The following ANKH variants were observed in gnomAD, a reference collection of about 807,000 sequenced individuals.
ANKH encodes mineralization regulator ANKH.
A neutral mutation model predicts 49.0 loss-of-function variants in ANKH; 15 were observed. The observed-to-expected ratio is 0.31, with a 90% CI of 0.20 to 0.47. The LOEUF (loss-of-function observed/expected upper bound fraction) is 0.47. Ranked by LOEUF, ANKH falls within the 20% of genes least tolerant of loss-of-function variation. The pLI is 1.00. For synonymous variants in ANKH, 273 were observed against 260.0 expected, an observed-to-expected ratio of 1.05 and a Z score of -0.48; for missense variants, 429 against 652.0, an observed-to-expected ratio of 0.66 and a Z score of 3.72.
Position 14,871,635 on chromosome 5 carries a change from C to T in ANKH, c.-188G>A, listed in dbSNP as rs1364137148. 4 of 165,018 alleles carry T rather than the reference C, an allele frequency of 2.4e-5. No homozygotes were observed. Among genetic ancestry groups the T allele is most frequent in the African/African-American group, 9.7e-5 (4 of 41,194 alleles). The allele number at this position is 165,018 out of a possible 1,614,324, so 10.2% of individuals were successfully genotyped here. A position where few individuals can be genotyped will look rare whatever the true frequency, so the allele number is the denominator to read the frequency against. ...GGCGCCTTCTCCGAGCGCGGCTGCT[C>T]TAGCAGGGGATCCGCAAGCTCAAGT... is the stretch of plus-strand genomic sequence containing the variant. On this transcript the variant is annotated 5_prime_UTR_variant, in exon 1 of 12. The change abolishes the stop of an existing upstream ORF in the 5' untranslated region. Coordinates refer to ENST00000284268, the MANE Select transcript of ANKH (RefSeq NM_054027.6).
chr5:14,863,934 G>A (rs931134946), intron 1 of ANKH, among the ~76,000 whole-genome samples: 4 of 152,162 alleles, frequency 2.6e-5, no homozygotes, highest in African/African-American at 9.7e-5. Context: ...CTGTTTTTAG[G>A]CTGGATGTGG....
intron 4 of ANKH, among the ~76,000 whole-genome samples, chr5:14,752,307 C>CA (rs1221279771): frequency 3.3e-5 from 5 of 151,120 alleles, no homozygotes; most frequent in East Asian, 1.9e-4. Flanking sequence ...GACCCTATCT[C>CA]AAAAAAAAGT....
rs771475403 is a variant in ANKH at position 14,716,803 on chromosome 5, C to G, written c.1044G>C (p.Val348=). Reference sequence around the variant, plus strand: ...TGATGTCTATCAAGATTTTCTCAGACACGTTGGGTGTCCAAAACATCACGA... The same window carrying G: ...TGATGTCTATCAAGATTTTCTCAGAGACGTTGGGTGTCCAAAACATCACGA... ...LCFVMFWTPN[V]SEKILIDIIG... is the part of the protein sequence containing the mutation. The change falls in exon 9 of 12, where the codon GTG becomes GTC. Residue 348 remains valine, a synonymous_variant. Coordinates refer to ENST00000284268, the MANE Select transcript of ANKH (RefSeq NM_054027.6). The G allele has an allele frequency of 6.2e-7, 1 of 1,614,150 alleles. No individual in the cohort carries two copies. Among genetic ancestry groups the G allele is most frequent in the East Asian group, 2.2e-5 (1 of 44,878 alleles).
intron 8 of ANKH, among the ~76,000 whole-genome samples, chr5:14,728,071 A>G (rs1737876308): frequency 6.6e-6 from 1 of 152,246 alleles, no homozygotes; most frequent in Non-Finnish European, 1.5e-5. Context: ...CAAATCTGCT[A>G]TACGTGCTGG....
At chr5:14,797,915 A>G in intron 1 of ANKH, 1 of 1,605,248 alleles carries the variant, frequency 6.2e-7, no homozygotes, top group Non-Finnish European at 8.5e-7. Flanking sequence ...CTCCAGAAGG[A>G]TCTGGTTTAG....
intron 1 of ANKH, among the ~76,000 whole-genome samples, chr5:14,834,702 AC>A (rs1458079779): frequency 5.9e-5 from 9 of 152,078 alleles, no homozygotes; most frequent in Admixed American, 5.9e-4. Context: ...AATCACTTGA[AC>A]CCAGGAGGCT....
At chr5:14,768,763 A>G in intron 2 of ANKH, 1 of 608,196 alleles carries the variant, frequency 1.6e-6, no homozygotes, top group Admixed American at 2.8e-5. Flanking sequence ...CACTTTGGGA[A>G]TCAGAGACAC....
At chr5:14,781,167 T>C (rs1172598824) in intron 1 of ANKH, among the ~76,000 whole-genome samples, 1 of 152,200 alleles carries the variant, frequency 6.6e-6, no homozygotes, top group East Asian at 1.9e-4. Flanking sequence ...TCCCGGTAGT[T>C]TTCCAGCCAT....
chr5:14,742,246 C>T (rs574075427), intron 7 of ANKH, among the ~76,000 whole-genome samples: 33 of 152,346 alleles, frequency 2.2e-4, no homozygotes, highest in African/African-American at 7.2e-4. Flanking sequence ...ATGCACCCCG[C>T]TCCTGGTCCC....
At chr5:14,714,322 A>G (rs898672307) in intron 9 of ANKH, among the ~76,000 whole-genome samples, 13 of 152,172 alleles carry the variant, frequency 8.5e-5, no homozygotes, top group Admixed American at 7.2e-4. Context: ...CAGGAGGGCC[A>G]TGGGTGGACA....
At chr5:14,751,881 C>T (rs957019186) in intron 4 of ANKH, among the ~76,000 whole-genome samples, 1 of 152,176 alleles carries the variant, frequency 6.6e-6, no homozygotes, top group Non-Finnish European at 1.5e-5. Context: ...TGTAGCCTTT[C>T]CCTCTCGAGG....
chr5:14,817,538 C>T (rs1305784102), intron 1 of ANKH, among the ~76,000 whole-genome samples: 1 of 152,196 alleles, frequency 6.6e-6, no homozygotes, highest in African/African-American at 2.4e-5. Context: ...GACCAGCTTT[C>T]TCCTTACTCC....
At position 14,706,233 on chromosome 5, in the gene ANKH, G is replaced by C. The variant is rs1736942356; in HGVS notation, c.*4964C>G. 6.6e-6 allele frequency: 1 copy of C among 152,160 alleles called. No individual in the cohort carries two copies. Among genetic ancestry groups the C allele is most frequent in the East Asian group, 1.9e-4 (1 of 5,200 alleles). 9.4% of individuals were successfully genotyped at this position (152,160 alleles called of 1,614,324 possible). ...AGGTACTATATAAAAAAAATTTGCT[G>C]AATCTATGTGTAGCTGACAGCCACC... On this transcript the variant is annotated 3_prime_UTR_variant, in exon 12 of 12. Transcript: ENST00000284268.
intron 1 of ANKH, among the ~76,000 whole-genome samples, chr5:14,793,007 A>AAAATATATATATATATAAAAAT (rs796261030): frequency 2.6e-4 from 21 of 79,678 alleles, no homozygotes; most frequent in East Asian, 2.5e-3. Context: ...TATATATATA[A>AAAATATATATATATATAAAAAT]ATATATATAT....
intron 1 of ANKH, among the ~76,000 whole-genome samples, chr5:14,830,938 T>C (rs1448438514): frequency 1.3e-5 from 2 of 152,210 alleles, no homozygotes; most frequent in African/African-American, 2.4e-5. Flanking sequence ...ACTGGGTCAG[T>C]TGGTCACTCT....
chr5:14,737,630 A>G lies in ANKH; in HGVS notation c.1011+4197T>C, dbSNP rs941980306. Among the ~76,000 whole-genome samples the G allele has an allele frequency of 2.0e-5, 3 of 152,242 alleles. No homozygotes were observed. The highest frequency in any genetic ancestry group is 4.4e-5 in the Non-Finnish European group (3 of 68,032). On this transcript the variant is annotated intron_variant, in intron 8 of 11. Transcript: ENST00000284268. The surrounding 1 kb of genome is among the most constrained non-coding windows in gnomAD (Gnocchi z 5.0). ...ACCTTGCATGGCGAGGCTGCGACGCAGTCTCCTTTGCGTGGCTGCAACCCT... is the reference window on the plus strand; with the variant it reads ...ACCTTGCATGGCGAGGCTGCGACGCGGTCTCCTTTGCGTGGCTGCAACCCT...
intron 1 of ANKH, among the ~76,000 whole-genome samples, chr5:14,786,481 T>C (rs1331481923): frequency 6.6e-6 from 1 of 152,006 alleles, no homozygotes; most frequent in East Asian, 1.9e-4. Flanking sequence ...ACAAGAGAAA[T>C]GTGATAGAGG....
intron 1 of ANKH, among the ~76,000 whole-genome samples, chr5:14,843,718 A>G (rs1348007393): frequency 2.0e-5 from 3 of 152,110 alleles, no homozygotes; most frequent in African/African-American, 7.2e-5. Context: ...TCGCCCTAAC[A>G]ACCTTCCACT....
At chr5:14,726,453 G>A (rs375754479) in intron 8 of ANKH, among the ~76,000 whole-genome samples, 21 of 152,274 alleles carry the variant, frequency 1.4e-4, no homozygotes, top group East Asian at 3.9e-4. Context: ...AAGGATCCTC[G>A]TCACGGCTAC....
Sources: gnomAD v4.1 joint callset for allele counts (sites outside exome capture counted in the v4.1 genomes callset) on GRCh38, gnomAD v4.1.1 for gene constraint, Gnocchi (gnomAD v3.1) non-coding constraint, MANE v1.5 for transcripts, NCBI Gene and HGNC (gene_info 2026-07-23, HGNC 2026-07-21) for gene names.